ZNF804A: variants seen among roughly 807,000 people sequenced by gnomAD.
ZNF804A encodes zinc finger protein 804A.
A neutral mutation model predicts 16.5 loss-of-function variants in ZNF804A; 2 were observed. The observed-to-expected ratio is 0.12, with a 90% CI of 0.05 to 0.38. The LOEUF (loss-of-function observed/expected upper bound fraction) is 0.38. Among genes scored for constraint, ZNF804A ranks in the 10% least tolerant of loss-of-function variants. The pLI is 0.99. For missense variants in ZNF804A, 1,473 were observed against 1,390.7 expected (o/e 1.06, Z -0.94); for synonymous variants, 534 against 489.6 (o/e 1.09, Z -1.20).
chr2:184,793,681 T>C (rs1308670411), intron 1 of ZNF804A, among the ~76,000 whole-genome samples: 1 of 152,126 alleles, frequency 6.6e-6, no homozygotes, highest in Non-Finnish European at 1.5e-5. Flanking sequence ...CGGAGCATTA[T>C]ACACTACACC....
rs2105662214 is a variant in ZNF804A at position 184,598,908 on chromosome 2, G to A, written c.-52G>A. 1 of 1,322,022 alleles carries A rather than the reference G, an allele frequency of 7.6e-7. No homozygotes were observed. Among genetic ancestry groups the A allele is most frequent in the South Asian group, 1.4e-5 (1 of 73,494 alleles). The allele number at this position is 1,322,022 out of a possible 1,614,324, so 81.9% of individuals were successfully genotyped here. On this transcript the variant is annotated 5_prime_UTR_variant, in exon 1 of 4. Transcript: ENST00000302277. ...CGGCCCCGGCGCGCTGCGGCTGTGGGCGCGGGGTGCGTGGAAGCGGCGGCT... is the reference window on the plus strand; with the variant it reads ...CGGCCCCGGCGCGCTGCGGCTGTGGACGCGGGGTGCGTGGAAGCGGCGGCT...
chr2:184,749,234 T>C (rs2105757360), intron 1 of ZNF804A, among the ~76,000 whole-genome samples: 1 of 151,680 alleles, frequency 6.6e-6, no homozygotes, highest in East Asian at 1.9e-4. Flanking sequence ...CATTCATTTG[T>C]GTCATCATTG....
At chr2:184,615,669 A>G (rs1302069634) in intron 1 of ZNF804A, among the ~76,000 whole-genome samples, 1 of 142,990 alleles carries the variant, frequency 7.0e-6, no homozygotes, top group Non-Finnish European at 1.5e-5. Flanking sequence ...ATTTTTGGCT[A>G]TTTTTTTAAC....
At chr2:184,785,691 T>A (rs548141462) in intron 1 of ZNF804A, among the ~76,000 whole-genome samples, 117 of 152,102 alleles carry the variant, frequency 7.7e-4, no homozygotes, top group African/African-American at 2.7e-3. Flanking sequence ...CATATACATA[T>A]AAATGTATAT....
intron 1 of ZNF804A, among the ~76,000 whole-genome samples, chr2:184,778,671 A>G (rs1694328228): frequency 6.6e-6 from 1 of 151,744 alleles, no homozygotes; most frequent in Admixed American, 6.6e-5. Context: ...CCCTTTTCCA[A>G]AGCAACACCA....
intron 1 of ZNF804A, among the ~76,000 whole-genome samples, chr2:184,850,388 G>A (rs182932616): frequency 6.6e-6 from 1 of 151,732 alleles, no homozygotes; most frequent in East Asian, 1.9e-4. Flanking sequence ...ACATGAAGCT[G>A]CTGGAAACTG....
At chr2:184,812,645 T>C (rs552724021) in intron 1 of ZNF804A, among the ~76,000 whole-genome samples, 1 of 152,174 alleles carries the variant, frequency 6.6e-6, no homozygotes, top group African/African-American at 2.4e-5. Flanking sequence ...AATAGGGGTG[T>C]GCGGGCTCTA....
intron 2 of ZNF804A, among the ~76,000 whole-genome samples, chr2:184,909,068 A>G (rs1055957356): frequency 3.3e-5 from 5 of 152,018 alleles, no homozygotes; most frequent in African/African-American, 1.2e-4. Context: ...AACTGTTCAA[A>G]CTCATAAGCT....
chr2:184,665,116 A>T (rs762501909), intron 1 of ZNF804A, among the ~76,000 whole-genome samples: 5 of 152,164 alleles, frequency 3.3e-5, no homozygotes, highest in African/African-American at 9.7e-5. Flanking sequence ...ACAAACACAA[A>T]CTCTTAGTAT....
intron 1 of ZNF804A, among the ~76,000 whole-genome samples, chr2:184,733,853 G>T (rs1178629710): frequency 6.7e-6 from 1 of 149,894 alleles, no homozygotes; most frequent in Non-Finnish European, 1.5e-5. Context: ...TATGTAATCT[G>T]TGGTTATGTC....
chr2:184,794,137 G>T (rs561927590), intron 1 of ZNF804A, among the ~76,000 whole-genome samples: 1 of 152,202 alleles, frequency 6.6e-6, no homozygotes, highest in Admixed American at 6.5e-5. Flanking sequence ...GTTCTTTAAG[G>T]AATCTCCACA....
chr2:184,652,467 A>G (rs960648643), intron 1 of ZNF804A, among the ~76,000 whole-genome samples: 2 of 152,160 alleles, frequency 1.3e-5, no homozygotes, highest in Admixed American at 6.6e-5. Flanking sequence ...GTAAAATTGT[A>G]TTTAAATATT....
At chr2:184,924,204 A>T (rs1685574387) in intron 2 of ZNF804A, among the ~76,000 whole-genome samples, 1 of 151,384 alleles carries the variant, frequency 6.6e-6, no homozygotes. Context: ...AGGTGCTGGG[A>T]TTTTTCTTAC....
chr2:184,921,166 C>T (rs1274912103), intron 2 of ZNF804A, among the ~76,000 whole-genome samples: 2 of 152,082 alleles, frequency 1.3e-5, no homozygotes, highest in African/African-American at 2.4e-5. Flanking sequence ...CTATTATTCA[C>T]CTCTCAAAAT....
chr2:184,616,924 G>C (rs1559109185), intron 1 of ZNF804A, among the ~76,000 whole-genome samples: 1 of 151,958 alleles, frequency 6.6e-6, no homozygotes, highest in African/African-American at 2.4e-5. Flanking sequence ...GGCTTCAGTG[G>C]ACATGTTCCT....
In ZNF804A at chr2:184,889,847, AC is replaced by A. The variant is rs1305240639; in HGVS notation, c.255+23336del. 3.3e-5 allele frequency among the ~76,000 whole-genome samples: 5 copies of A among 152,254 alleles called. No individual in the cohort carries two copies. In the East Asian group the frequency reaches 9.6e-4, roughly 29 times the overall value. ...AATCTATTGAAACATATATCTTAAT[AC>A]AAAAATCATTTTCTTCATATGGTTT... On this transcript the variant is annotated intron_variant, in intron 2 of 3. Transcript: ENST00000302277.
At chr2:184,732,940 T>C (rs1693542845) in intron 1 of ZNF804A, among the ~76,000 whole-genome samples, 2 of 152,176 alleles carry the variant, frequency 1.3e-5, no homozygotes, top group Admixed American at 1.3e-4. Flanking sequence ...GTTGATTCTT[T>C]TGTATTTTCT....
chr2:184,864,877 T>TTTTTTTTTTTTTTTTG, intron 1 of ZNF804A, among the ~76,000 whole-genome samples: 1 of 137,406 alleles, frequency 7.3e-6, no homozygotes, highest in African/African-American at 2.8e-5. Flanking sequence ...TAGTTAGGAT[T>TTTTTTTTTTTTTTTTG]TTTTTTTTTT....
chr2:184,768,131 A>T (rs1694157977), intron 1 of ZNF804A, among the ~76,000 whole-genome samples: 1 of 152,100 alleles, frequency 6.6e-6, no homozygotes, highest in African/African-American at 2.4e-5. Flanking sequence ...AGTAAAAAAT[A>T]CAAACTTAAA....
Sources: allele counts gnomAD v4.1 joint callset (sites outside exome capture counted in the v4.1 genomes callset), GRCh38; gene constraint gnomAD v4.1.1; transcripts MANE v1.5; gene names NCBI Gene and HGNC (gene_info 2026-07-23, HGNC 2026-07-21).